The following LRRC4C variants were observed in gnomAD, a reference collection of about 807,000 sequenced individuals.
LRRC4C encodes leucine-rich repeat-containing protein 4C.
LRRC4C carries 5 observed loss-of-function variants against 33.6 expected under a neutral mutation model. That is an observed-to-expected ratio of 0.15 (90% CI 0.08 to 0.31). The LOEUF (loss-of-function observed/expected upper bound fraction) is 0.31, where lower values mean the gene tolerates loss of function less well. Among genes scored for constraint, LRRC4C ranks in the 10% least tolerant of loss-of-function variants. The pLI is 1.00. For synonymous variants in LRRC4C, 329 were observed against 302.0 expected, an observed-to-expected ratio of 1.09 and a Z score of -0.93; for missense variants, 560 against 796.7, an observed-to-expected ratio of 0.70 and a Z score of 3.58.
chr11:41,279,428 A>ACACACACACACACCCCCC (rs58139193), intron 1 of LRRC4C, among the ~76,000 whole-genome samples: 2 of 140,888 alleles, frequency 1.4e-5, no homozygotes, highest in East Asian at 2.2e-4. Context: ...ACACACACAC[A>ACACACACACACACCCCCC]CCGTGGCAAT....
At chr11:40,320,942 T>C (rs1182798576) in intron 3 of LRRC4C, among the ~76,000 whole-genome samples, 1 of 152,228 alleles carries the variant, frequency 6.6e-6, no homozygotes, top group Non-Finnish European at 1.5e-5. Flanking sequence ...ACTAAGGTGG[T>C]TGTAATCAAC....
At chr11:40,270,652 A>AG (rs1828328313) in intron 4 of LRRC4C, among the ~76,000 whole-genome samples, 6 of 152,040 alleles carry the variant, frequency 3.9e-5, no homozygotes, top group African/African-American at 1.4e-4. Flanking sequence ...TCTTTCAACC[A>AG]ATCTAAGAAC....
chr11:40,333,386 C>T (rs1946445191), intron 3 of LRRC4C, among the ~76,000 whole-genome samples: 1 of 152,106 alleles, frequency 6.6e-6, no homozygotes, highest in Non-Finnish European at 1.5e-5. Context: ...ATCAAGCATA[C>T]TATTTACGAG....
At chr11:40,936,015 T>TAC (rs1565219173) in intron 1 of LRRC4C, among the ~76,000 whole-genome samples, 1 of 5,652 alleles carries the variant, frequency 1.8e-4, no homozygotes, top group Admixed American at 1.7e-3. Context: ...TGCCAAATTT[T>TAC]ATATATATAT....
intron 1 of LRRC4C, among the ~76,000 whole-genome samples, chr11:41,166,235 A>G (rs1944721134): frequency 6.6e-6 from 1 of 152,214 alleles, no homozygotes; most frequent in Admixed American, 6.5e-5. Context: ...AAAATATTTA[A>G]TATATCTGTT....
chr11:40,374,416 G>A (rs115105238), intron 3 of LRRC4C, among the ~76,000 whole-genome samples: 1,654 of 152,206 alleles, frequency 0.011, 24 homozygotes, highest in African/African-American at 0.037. Flanking sequence ...ATGTGCTCAC[G>A]TTGTTATTTA....
chr11:41,340,841 G>A (rs1339544125), intron 1 of LRRC4C, among the ~76,000 whole-genome samples: 1 of 152,168 alleles, frequency 6.6e-6, no homozygotes, highest in Non-Finnish European at 1.5e-5. Flanking sequence ...AATATTATTA[G>A]ATAGATTTGA....
At chr11:40,291,705 A>G (rs1326155681) in intron 4 of LRRC4C, among the ~76,000 whole-genome samples, 1 of 152,158 alleles carries the variant, frequency 6.6e-6, no homozygotes, top group Non-Finnish European at 1.5e-5. Context: ...CGCACCAGCC[A>G]GAAGCCACCC....
At chr11:40,654,283 G>T (rs995141050) in intron 2 of LRRC4C, among the ~76,000 whole-genome samples, 2 of 152,162 alleles carry the variant, frequency 1.3e-5, no homozygotes, top group African/African-American at 4.8e-5. Flanking sequence ...TGCACTGTGT[G>T]CTGGGAAAAG....
At chr11:40,371,000 T>C (rs1311020386) in intron 3 of LRRC4C, among the ~76,000 whole-genome samples, 5 of 151,748 alleles carry the variant, frequency 3.3e-5, no homozygotes, top group African/African-American at 7.3e-5. Context: ...TGTACATTGA[T>C]TTTTTTAAAA....
chr11:40,784,522 A>G (rs547066170), intron 2 of LRRC4C, among the ~76,000 whole-genome samples: 7 of 152,222 alleles, frequency 4.6e-5, no homozygotes, highest in Non-Finnish European at 1.0e-4. Context: ...CAATGATAGT[A>G]ACATTTTTGA....
At chr11:40,228,197 G>T (rs1033354372) in intron 5 of LRRC4C, among the ~76,000 whole-genome samples, 1 of 152,096 alleles carries the variant, frequency 6.6e-6, no homozygotes, top group African/African-American at 2.4e-5. Flanking sequence ...GAGAGTTACA[G>T]TTACGTAACC....
intron 1 of LRRC4C, among the ~76,000 whole-genome samples, chr11:41,138,812 A>G (rs1388359791): frequency 6.6e-6 from 1 of 152,188 alleles, no homozygotes; most frequent in East Asian, 1.9e-4. Context: ...TAATTACTAC[A>G]CAAAAAGAAT....
intron 1 of LRRC4C, among the ~76,000 whole-genome samples, chr11:41,361,113 C>G (rs1395713135): frequency 3.3e-5 from 5 of 152,156 alleles, no homozygotes; most frequent in Non-Finnish European, 7.4e-5. Flanking sequence ...AACAGGAAGA[C>G]AGCATTGTCA....
chr11:40,696,357 T>C (rs1945531487), intron 2 of LRRC4C, among the ~76,000 whole-genome samples: 1 of 144,576 alleles, frequency 6.9e-6, no homozygotes. Flanking sequence ...ATATATGTGG[T>C]ATATATATGA....
In LRRC4C at chr11:40,365,182, T is replaced by G. The variant is rs539752995; in HGVS notation, c.-269-45461A>C. On this transcript the variant is annotated intron_variant, in intron 3 of 6. Coordinates refer to ENST00000528697, the MANE Select transcript of LRRC4C (RefSeq NM_001258419.2). Reference sequence around the variant, plus strand: ...TTAAAAGATTTTTAGAAACATTCCATAAGATTTAATTGGCTCTTTTAAAGC... The same window carrying G: ...TTAAAAGATTTTTAGAAACATTCCAGAAGATTTAATTGGCTCTTTTAAAGC... 1.6e-4 allele frequency among the ~76,000 whole-genome samples: 24 copies of G among 151,852 alleles called. No individual in the cohort carries two copies. The South Asian group carries it at 4.2e-3, about 26-fold the overall frequency.
At chr11:40,781,982 A>C (rs1950228883) in intron 2 of LRRC4C, among the ~76,000 whole-genome samples, 1 of 152,194 alleles carries the variant, frequency 6.6e-6, no homozygotes, top group South Asian at 2.1e-4. Context: ...AAACAAAAGA[A>C]CCATTAGCTT....
At chr11:40,905,682 T>C (rs1956384316) in intron 2 of LRRC4C, among the ~76,000 whole-genome samples, 1 of 152,222 alleles carries the variant, frequency 6.6e-6, no homozygotes, top group African/African-American at 2.4e-5. Context: ...ATAGGGCAGA[T>C]TGCTCCTGTT....
At chr11:41,196,707 G>A (rs1184896063) in intron 1 of LRRC4C, among the ~76,000 whole-genome samples, 3 of 152,020 alleles carry the variant, frequency 2.0e-5, no homozygotes, top group Non-Finnish European at 2.9e-5. Flanking sequence ...ATAAACGGAT[G>A]CATGAATGAA....
Sources: allele counts gnomAD v4.1 joint callset (sites outside exome capture counted in the v4.1 genomes callset), GRCh38; gene constraint gnomAD v4.1.1; transcripts MANE v1.5; gene names NCBI Gene and HGNC (gene_info 2026-07-23, HGNC 2026-07-21).